Variants in COG5 observed in about 807,000 individuals in gnomAD.
COG5 encodes the protein conserved oligomeric Golgi complex subunit 5.
COG5 carries 86 observed loss-of-function variants against 110.4 expected under a neutral mutation model. The observed-to-expected ratio is 0.78, with a 90% CI of 0.65 to 0.93. The LOEUF is 0.93. Ranked by LOEUF, COG5 falls within the 40% of genes least tolerant of loss-of-function variation. COG5 has a pLI of 0.00. For synonymous variants in COG5, 360 were observed against 334.6 expected (o/e 1.08, Z -0.83); for missense variants, 1,077 against 987.0 (o/e 1.09, Z -1.22).
chr7:107,501,472 C>G, intron 6 of COG5, among the ~76,000 whole-genome samples: 1 of 152,072 alleles, frequency 6.6e-6, no homozygotes, highest in East Asian at 1.9e-4. Flanking sequence ...GAACACATAT[C>G]TAGAAATGCT....
At chr7:107,389,612 C>A (rs1790466372) in intron 7 of COG5, among the ~76,000 whole-genome samples, 1 of 152,316 alleles carries the variant, frequency 6.6e-6, no homozygotes, top group African/African-American at 2.4e-5. Context: ...AGGGGACAAG[C>A]CCGTGGCCTC....
intron 2 of COG5, 146 bp downstream of exon 2, chr7:107,557,830 T>C (rs1803437133): frequency 1.8e-6 from 2 of 1,094,440 alleles, no homozygotes; most frequent in African/African-American, 1.6e-5. Context: ...ACAGAAAATT[T>C]CAAAAATTTA....
At chr7:107,218,902 G>A (rs1799707095) in intron 19 of COG5, among the ~76,000 whole-genome samples, 1 of 152,088 alleles carries the variant, frequency 6.6e-6, no homozygotes, top group East Asian at 1.9e-4. Context: ...CACAGCAAAA[G>A]AAATAATGAG....
intron 16 of COG5, 119 bp downstream of exon 16, chr7:107,256,613 G>C: frequency 1.4e-6 from 1 of 691,264 alleles, no homozygotes; most frequent in Non-Finnish European, 2.6e-6. Context: ...TTATCAACAT[G>C]CTACTTTTGT....
At chr7:107,282,133 T>G (rs1805222549) in intron 13 of COG5, among the ~76,000 whole-genome samples, 1 of 152,144 alleles carries the variant, frequency 6.6e-6, no homozygotes, top group Non-Finnish European at 1.5e-5. Context: ...AGAGTAAATC[T>G]TACCAGATTC....
chr7:107,433,343 C>T (rs1441863700), intron 6 of COG5, among the ~76,000 whole-genome samples: 1 of 152,076 alleles, frequency 6.6e-6, no homozygotes, highest in Non-Finnish European at 1.5e-5. Flanking sequence ...AACAGAAAAA[C>T]GCATCCTAAA....
chr7:107,427,229 G>C (rs1793699364), intron 6 of COG5, among the ~76,000 whole-genome samples: 1 of 152,140 alleles, frequency 6.6e-6, no homozygotes, highest in Non-Finnish European at 1.5e-5. Flanking sequence ...GAAAATAATG[G>C]AGGGTTCCAA....
chr7:107,318,987 T>C (rs1213339983), intron 11 of COG5, among the ~76,000 whole-genome samples: 1 of 152,236 alleles, frequency 6.6e-6, no homozygotes, highest in Non-Finnish European at 1.5e-5. Context: ...TATGTTAGAT[T>C]GCTTGATGTG....
At chr7:107,271,350 A>C (rs1340486139) in intron 14 of COG5, among the ~76,000 whole-genome samples, 1 of 152,190 alleles carries the variant, frequency 6.6e-6, no homozygotes, top group Non-Finnish European at 1.5e-5. Context: ...TTGGAATTAC[A>C]TCAAATCTAC....
chr7:107,504,402 T>C (rs1225664902), intron 6 of COG5, among the ~76,000 whole-genome samples: 1 of 152,216 alleles, frequency 6.6e-6, no homozygotes, highest in Admixed American at 6.5e-5. Flanking sequence ...GGTTAGTTAG[T>C]ATTTTGTTGA....
chr7:107,475,496 A>T, intron 6 of COG5: 1 of 561,528 alleles, frequency 1.8e-6, no homozygotes, highest in Non-Finnish European at 3.2e-6. Context: ...TGTGAATGTC[A>T]ATTAGATAGG....
intron 6 of COG5, among the ~76,000 whole-genome samples, chr7:107,468,563 C>T (rs532652507): frequency 1.6e-4 from 25 of 152,180 alleles, no homozygotes; most frequent in Admixed American, 4.6e-4. Context: ...CAAAGCCTTG[C>T]CACCCAAAGC....
At chr7:107,359,988 A>G (rs1812960958) in intron 10 of COG5, among the ~76,000 whole-genome samples, 1 of 150,746 alleles carries the variant, frequency 6.6e-6, no homozygotes, top group Non-Finnish European at 1.5e-5. Context: ...ATGACCTACC[A>G]GCAGATACAA....
At chr7:107,312,218 C>G (rs1387654114) in intron 11 of COG5, among the ~76,000 whole-genome samples, 1 of 152,026 alleles carries the variant, frequency 6.6e-6, no homozygotes, top group Non-Finnish European at 1.5e-5. Flanking sequence ...TTTTACAGTT[C>G]GTTTTCTCTT....
chr7:107,521,772 C>T (rs1354691013), intron 6 of COG5, among the ~76,000 whole-genome samples: 1 of 152,218 alleles, frequency 6.6e-6, no homozygotes. Flanking sequence ...CCCCAGCAAT[C>T]CCATTACTGG....
chr7:107,523,316 A>G (rs1485748116), intron 6 of COG5, among the ~76,000 whole-genome samples: 1 of 151,990 alleles, frequency 6.6e-6, no homozygotes, highest in African/African-American at 2.4e-5. Flanking sequence ...CTTGTTGCTA[A>G]GAGTATACAG....
intron 10 of COG5, among the ~76,000 whole-genome samples, chr7:107,337,722 C>T (rs899912054): frequency 5.3e-5 from 8 of 151,950 alleles, no homozygotes; most frequent in African/African-American, 1.9e-4. Flanking sequence ...GAAATAAGTT[C>T]TAATGTTCAA....
At chr7:107,456,046 G>A (rs905380053) in intron 6 of COG5, among the ~76,000 whole-genome samples, 2 of 151,824 alleles carry the variant, frequency 1.3e-5, no homozygotes, top group Non-Finnish European at 2.9e-5. Context: ...TGATCTGCCC[G>A]CCTCGGCCTC....
At chr7:107,413,109 T>C (rs1229727333) in intron 6 of COG5, among the ~76,000 whole-genome samples, 1 of 151,858 alleles carries the variant, frequency 6.6e-6, no homozygotes, top group Non-Finnish European at 1.5e-5. Flanking sequence ...CTCGAACTAC[T>C]GGGCTCAAGC....
Sources: allele counts gnomAD v4.1 joint callset (sites outside exome capture counted in the v4.1 genomes callset), GRCh38; gene constraint gnomAD v4.1.1; transcripts MANE v1.5; gene names NCBI Gene and HGNC (gene_info 2026-07-23, HGNC 2026-07-21).